The following AVL9 variants were observed in gnomAD, a reference collection of about 807,000 sequenced individuals.
AVL9 encodes AVL9 cell migration associated.
AVL9 carries 49 observed loss-of-function variants against 79.2 expected under a neutral mutation model. The observed-to-expected ratio is 0.62, with a 90% confidence interval of 0.49 to 0.79. AVL9 has a LOEUF of 0.79. AVL9 is among the 30% of genes least tolerant of loss of function. The pLI is 0.00. For synonymous variants in AVL9, 299 were observed against 280.6 expected (o/e 1.07, Z -0.65); for missense variants, 682 against 776.8 (o/e 0.88, Z 1.45).
chr7:32,529,767 A>G (rs1212153863), intron 1 of AVL9, among the ~76,000 whole-genome samples: 1 of 152,238 alleles, frequency 6.6e-6, no homozygotes, highest in Non-Finnish European at 1.5e-5. Context: ...AGTTCAATTA[A>G]TTTTTACATA....
chr7:32,510,901 C>G (rs1787640531), intron 1 of AVL9, among the ~76,000 whole-genome samples: 1 of 141,756 alleles, frequency 7.1e-6, no homozygotes, highest in East Asian at 2.1e-4. Flanking sequence ...CACTTCTGAA[C>G]TGCCCCAGTA....
Position 32,519,467 on chromosome 7 carries a change from C to T in AVL9, c.93+23665C>T, listed in dbSNP as rs6977830. Among the ~76,000 whole-genome samples the T allele has an allele frequency of 1.9e-3, 283 of 151,556 alleles. 1 individual carries two copies. Among genetic ancestry groups the T allele is most frequent in the African/African-American group, 6.5e-3 (271 of 41,388 alleles). On this transcript the variant is annotated intron_variant, in intron 1 of 15. Transcript: ENST00000318709. ...GAAAAGAAATGGAAGGGCCTTCAGA[C>T]TGATACAAGCTAGTTCAGATGCCTT...
At chr7:32,562,281 A>AG (rs1427909321) in intron 10 of AVL9, among the ~76,000 whole-genome samples, 1 of 108,152 alleles carries the variant, frequency 9.2e-6, no homozygotes, top group Non-Finnish European at 2.2e-5. Context: ...CAGTTTTAAA[A>AG]GAAAAAAGCT....
intron 13 of AVL9, among the ~76,000 whole-genome samples, chr7:32,579,430 A>ATAT (rs1554347971): frequency 0.033 from 80 of 2,404 alleles, 27 homozygotes; most frequent in African/African-American, 0.091. Flanking sequence ...TATATATAAT[A>ATAT]TATATATTAT....
chr7:32,539,713 T>C (rs1046545110), intron 1 of AVL9, among the ~76,000 whole-genome samples: 1 of 152,216 alleles, frequency 6.6e-6, no homozygotes, highest in African/African-American at 2.4e-5. Context: ...ATTAAAGTTC[T>C]GAGGTCAGAA....
At chr7:32,520,247 C>T (rs528346555) in intron 1 of AVL9, among the ~76,000 whole-genome samples, 12 of 152,212 alleles carry the variant, frequency 7.9e-5, no homozygotes, top group South Asian at 4.1e-4. Flanking sequence ...CTATTAAAAG[C>T]GAAGAGTATG....
rs1048255088 is a variant in AVL9 at position 32,543,124 on chromosome 7, A to T, written c.94-17A>T. ...TTTGGTCAACCACCTTTTGGCTAACATTCCTTACTATTTTAGGTTGAATTC... is the reference window on the plus strand; with the variant it reads ...TTTGGTCAACCACCTTTTGGCTAACTTTCCTTACTATTTTAGGTTGAATTC... On this transcript the variant is annotated splice_polypyrimidine_tract_variant and intron_variant, in intron 1 of 15. Coordinates refer to ENST00000318709, the MANE Select transcript of AVL9 (RefSeq NM_015060.3). The T allele has an allele frequency of 6.2e-7, 1 of 1,612,506 alleles. No individual in the cohort carries two copies. Among genetic ancestry groups the T allele is most frequent in the Non-Finnish European group, 8.5e-7 (1 of 1,179,634 alleles).
chr7:32,588,134 A>AT lies in AVL9; in HGVS notation c.*4232dup, dbSNP rs1173409951. ...CAGTGTAGGGGGTTTTTCCAATCTT[A>AT]TTTTTCATCAGGTTCTCACACCCAC... On this transcript the variant is annotated 3_prime_UTR_variant, in exon 16 of 16. Transcript: ENST00000318709. 1 of 151,970 alleles carries AT rather than the reference A, an allele frequency of 6.6e-6. No individual in the cohort carries two copies. The highest frequency in any genetic ancestry group is 1.5e-5 in the Non-Finnish European group (1 of 67,984). 9.4% of individuals were successfully genotyped at this position (151,970 alleles called of 1,614,324 possible).
rs1465993658 is a variant in AVL9, at chr7:32,579,449, T to C, written c.1689-770T>C. ...TATAATATATATATTATATATAATA[T>C]ATTATATATTATATATAATATATTA... On this transcript the variant is annotated intron_variant, in intron 13 of 15. Coordinates refer to ENST00000318709, the MANE Select transcript of AVL9 (RefSeq NM_015060.3). Among the ~76,000 whole-genome samples, 6 of 3,702 alleles carry C rather than the reference T, an allele frequency of 1.6e-3. 3 individuals are homozygous for C. The highest frequency in any genetic ancestry group is 6.0e-3 in the African/African-American group (6 of 1,002). The allele number at this position is 3,702 out of a possible 152,430, so 2.4% of individuals were successfully genotyped here.
rs1235019218 is a variant in AVL9 at position 32,579,592 on chromosome 7, ATATT to A, written c.1689-626_1689-623del. Among the ~76,000 whole-genome samples, 13 of 40,318 alleles carry A rather than the reference ATATT, an allele frequency of 3.2e-4. 4 individuals carry two copies. Among genetic ancestry groups the A allele is most frequent in the Admixed American group, 1.7e-3 (3 of 1,772 alleles). 26.5% of individuals were successfully genotyped at this position (40,318 alleles called of 152,430 possible). On this transcript the variant is annotated intron_variant, in intron 13 of 15. Transcript: ENST00000318709. ...TATTATATTATATATTATATATTAT[ATATT>A]ATATATTATATTATATATTATATAT...
chr7:32,531,723 C>T (rs1403987524), intron 1 of AVL9: 1 of 152,168 alleles, frequency 6.6e-6, no homozygotes. Flanking sequence ...CACTGCATTC[C>T]ACCCCTCGTG....
In AVL9 at chr7:32,585,767, T is replaced by G. The variant is rs1013245525; in HGVS notation, c.*1860T>G. 1 of 152,252 alleles carries G rather than the reference T, an allele frequency of 6.6e-6. No individual in the cohort carries two copies. Among genetic ancestry groups the G allele is most frequent in the Non-Finnish European group, 1.5e-5 (1 of 68,052 alleles). The allele number at this position is 152,252 out of a possible 1,614,324, so 9.4% of individuals were successfully genotyped here. ...AGCGATGATAAATTGAAGGGCTGAA[T>G]GTGAGAACTCCATTAATTCCACTTC... On this transcript the variant is annotated 3_prime_UTR_variant, in exon 16 of 16. Coordinates refer to ENST00000318709, the MANE Select transcript of AVL9 (RefSeq NM_015060.3).
intron 4 of AVL9, 38 bp downstream of exon 4, chr7:32,548,956 T>G: frequency 7.5e-7 from 1 of 1,337,574 alleles, no homozygotes; most frequent in Non-Finnish European, 1.0e-6. Context: ...TGTTAAACCT[T>G]CATGGCAGAT....
At chr7:32,572,273 G>A (rs1790884951) in intron 11 of AVL9, among the ~76,000 whole-genome samples, 1 of 151,140 alleles carries the variant, frequency 6.6e-6, no homozygotes, top group Admixed American at 6.6e-5. Context: ...TGAAAGTCCA[G>A]GATTCAAAGA....
intron 3 of AVL9, among the ~76,000 whole-genome samples, chr7:32,545,055 A>C (rs1397044211): frequency 2.0e-5 from 3 of 152,192 alleles, no homozygotes; most frequent in Non-Finnish European, 4.4e-5. Flanking sequence ...CTGTATTTAC[A>C]TTTCAAGATG....
At chr7:32,573,071 C>T (rs1438753594) in intron 11 of AVL9, 128 bp from the exon 12 acceptor site, 4 of 681,516 alleles carry the variant, frequency 5.9e-6, no homozygotes, top group East Asian at 2.7e-5. Flanking sequence ...CTTAGACTCA[C>T]CTTTTGAGAA....
intron 2 of AVL9, among the ~76,000 whole-genome samples, 164 bp downstream of exon 2, chr7:32,543,425 C>T (rs1365802971): frequency 6.6e-6 from 1 of 152,240 alleles, no homozygotes; most frequent in African/African-American, 2.4e-5. Flanking sequence ...ACTAGAGCAC[C>T]TCTAAAGGAG....
chr7:32,495,838 G>A, intron 1 of AVL9, 36 bp downstream of exon 1: 1 of 1,244,598 alleles, frequency 8.0e-7, no homozygotes, highest in South Asian at 3.7e-5. Context: ...CCAGCCGTTC[G>A]GGCGTTCGCC....
chr7:32,495,854 CG>C, intron 1 of AVL9, 52 bp downstream of exon 1: 1 of 1,178,764 alleles, frequency 8.5e-7, no homozygotes. Context: ...TCGCCCCTTC[CG>C]GGGCCCCCCT....
Sources: allele counts gnomAD v4.1 joint callset (sites outside exome capture counted in the v4.1 genomes callset), GRCh38; gene constraint gnomAD v4.1.1; transcripts MANE v1.5; gene names NCBI Gene and HGNC (gene_info 2026-07-23, HGNC 2026-07-21).